ATXN7L1: variants seen among roughly 807,000 people sequenced by gnomAD.
ATXN7L1 encodes ataxin 7 like 1.
In ATXN7L1, 15 loss-of-function variants were observed where a neutral mutation model predicts 70.8. The observed-to-expected ratio is 0.21, with a 90% CI of 0.14 to 0.33. The LOEUF is 0.33. Ranked by LOEUF, ATXN7L1 falls within the 10% of genes least tolerant of loss-of-function variation. The probability of loss-of-function intolerance (pLI) is 1.00; values close to 1 mark genes in which losing one functional copy is unlikely to be tolerated. For synonymous variants in ATXN7L1, 440 were observed against 445.1 expected (o/e 0.99, Z 0.14); for missense variants, 975 against 1,097.1 (o/e 0.89, Z 1.57).
chr7:105,745,247 T>A (rs931280935), intron 3 of ATXN7L1, among the ~76,000 whole-genome samples: 1 of 151,978 alleles, frequency 6.6e-6, no homozygotes, highest in Non-Finnish European at 1.5e-5. Context: ...TAAATATATA[T>A]TAAAAAACCA....
intron 3 of ATXN7L1, among the ~76,000 whole-genome samples, chr7:105,721,586 C>G (rs768060521): frequency 6.6e-6 from 1 of 152,220 alleles, no homozygotes; most frequent in African/African-American, 2.4e-5. Flanking sequence ...GGGCTCTGGT[C>G]GGGGACAAGG....
At chr7:105,707,013 G>A (rs552381190) in intron 3 of ATXN7L1, among the ~76,000 whole-genome samples, 4 of 152,244 alleles carry the variant, frequency 2.6e-5, no homozygotes, top group South Asian at 2.1e-4. Context: ...TTAATTCTCC[G>A]TTGGGTGGAA....
intron 3 of ATXN7L1, among the ~76,000 whole-genome samples, chr7:105,706,426 C>A (rs889947078): frequency 1.1e-4 from 16 of 152,084 alleles, no homozygotes; most frequent in African/African-American, 3.9e-4. Context: ...GGACTCCTGA[C>A]TTCAAGTGAT....
rs1326947462 is a variant in ATXN7L1, at chr7:105,875,793, TGCCAGTA to T, written c.250+12_250+18del. 1 of 1,602,852 alleles carries T rather than the reference TGCCAGTA, an allele frequency of 6.2e-7. No individual in the cohort carries two copies. The highest frequency in any genetic ancestry group is 8.5e-7 in the Non-Finnish European group (1 of 1,169,916). The stretch of plus-strand genomic sequence containing the variant: ...TCTGCCACACATGCTAACACTAAAA[TGCCAGTA>T]GCTCCACTTACCTTCTTTATTAAGC... On this transcript the variant is annotated intron_variant, in intron 2 of 11. Transcript: ENST00000419735.
chr7:105,654,047 G>GAA (rs1173287506), intron 4 of ATXN7L1, among the ~76,000 whole-genome samples: 1 of 152,166 alleles, frequency 6.6e-6, no homozygotes, highest in Non-Finnish European at 1.5e-5. Context: ...CTGATGATGG[G>GAA]AACCCTGTCC....
intron 11 of ATXN7L1, among the ~76,000 whole-genome samples, chr7:105,610,297 A>C (rs1307592640): frequency 6.6e-6 from 1 of 152,244 alleles, no homozygotes; most frequent in African/African-American, 2.4e-5. Flanking sequence ...CATAAAAGGT[A>C]GGGGCCAGTA....
chr7:105,641,650 T>A (rs1798277150), intron 5 of ATXN7L1, among the ~76,000 whole-genome samples: 1 of 152,206 alleles, frequency 6.6e-6, no homozygotes, highest in African/African-American at 2.4e-5. Context: ...TGCCACCACC[T>A]CTGAAGAGTG....
chr7:105,761,057 T>C, intron 3 of ATXN7L1: 1 of 625,024 alleles, frequency 1.6e-6, no homozygotes, highest in Non-Finnish European at 2.1e-6. Context: ...GCGTGCAGAA[T>C]GAATTGTAGA....
At chr7:105,612,685 C>T (rs997465482) in intron 10 of ATXN7L1, among the ~76,000 whole-genome samples, 2 of 152,160 alleles carry the variant, frequency 1.3e-5, no homozygotes, top group African/African-American at 2.4e-5. Context: ...CTGTGTCTCC[C>T]GCTCCTCTCA....
rs10541042 is a variant in ATXN7L1, at chr7:105,702,545, A to AAC, written c.356-37259_356-37258dup. Among the ~76,000 whole-genome samples the AAC allele has an allele frequency of 6.7e-4, 101 of 150,168 alleles. No homozygotes were observed. The East Asian group carries it at 7.2e-3, about 11-fold the overall frequency. On this transcript the variant is annotated intron_variant, in intron 3 of 11. Transcript: ENST00000419735. ...GCCCCTTACACACACACAGACCCAC[A>AAC]ACACACACACACACACACAGACACA...
intron 3 of ATXN7L1, among the ~76,000 whole-genome samples, chr7:105,682,859 A>T (rs555444326): frequency 6.6e-6 from 1 of 152,308 alleles, no homozygotes; most frequent in South Asian, 2.1e-4. Flanking sequence ...TTGGAACTAG[A>T]TAGAAGTGGT....
At chr7:105,689,261 C>T (rs1790413474) in intron 3 of ATXN7L1, among the ~76,000 whole-genome samples, 1 of 152,060 alleles carries the variant, frequency 6.6e-6, no homozygotes, top group South Asian at 2.1e-4. Context: ...GTCACTGGGG[C>T]TGGGGTGGAG....
chr7:105,802,741 G>C lies in ATXN7L1; in HGVS notation c.251-14033C>G, dbSNP rs1311093936. ...AGAATCCAGAGGAACTGCAGCTCCA[G>C]GCCCTTGATTCCCAGCAGCAGAAGG... is the stretch of plus-strand genomic sequence containing the variant. On this transcript the variant is annotated intron_variant, in intron 2 of 11. Coordinates refer to ENST00000419735, the MANE Select transcript of ATXN7L1 (RefSeq NM_020725.2). 2.0e-5 allele frequency among the ~76,000 whole-genome samples: 3 copies of C among 152,298 alleles called. No homozygotes were observed. In the East Asian group the frequency reaches 5.8e-4, roughly 29 times the overall value.
intron 3 of ATXN7L1, among the ~76,000 whole-genome samples, chr7:105,710,979 G>A (rs565443686): frequency 2.0e-5 from 3 of 152,266 alleles, no homozygotes; most frequent in African/African-American, 7.2e-5. Context: ...TGAGAGCCAA[G>A]CAAAGGGGGA....
At chr7:105,792,943 T>C (rs980850285) in intron 2 of ATXN7L1, among the ~76,000 whole-genome samples, 1 of 152,210 alleles carries the variant, frequency 6.6e-6, no homozygotes, top group Non-Finnish European at 1.5e-5. Context: ...TCTTAGTTAA[T>C]CTTCATAATG....
At chr7:105,683,804 T>TGA (rs1210849735) in intron 3 of ATXN7L1, among the ~76,000 whole-genome samples, 1 of 152,074 alleles carries the variant, frequency 6.6e-6, no homozygotes, top group Non-Finnish European at 1.5e-5. Flanking sequence ...AATGGGACAC[T>TGA]GAGGCACAGC....
intron 2 of ATXN7L1, among the ~76,000 whole-genome samples, chr7:105,805,888 G>C (rs545264124): frequency 5.3e-5 from 8 of 152,264 alleles, no homozygotes; most frequent in African/African-American, 1.9e-4. Flanking sequence ...AGAGAGGTGC[G>C]AGGCAGAGTT....
chr7:105,791,582 T>A (rs946042239), intron 2 of ATXN7L1, among the ~76,000 whole-genome samples: 1 of 152,196 alleles, frequency 6.6e-6, no homozygotes, highest in South Asian at 2.1e-4. Context: ...ATTCATTTTT[T>A]AAAAATAAAA....
At chr7:105,693,174 G>A (rs539055141) in intron 3 of ATXN7L1, among the ~76,000 whole-genome samples, 1 of 152,116 alleles carries the variant, frequency 6.6e-6, no homozygotes, top group East Asian at 1.9e-4. Flanking sequence ...GGGTGTGGAC[G>A]TAAGAGTGAG....
Sources: gnomAD v4.1 joint callset for allele counts (sites outside exome capture counted in the v4.1 genomes callset) on GRCh38, gnomAD v4.1.1 for gene constraint, MANE v1.5 for transcripts, NCBI Gene and HGNC (gene_info 2026-07-23, HGNC 2026-07-21) for gene names.